SPOCK1: variants seen among roughly 807,000 people sequenced by gnomAD.
SPOCK1 encodes the protein testican-1.
A neutral mutation model predicts 55.3 loss-of-function variants in SPOCK1; 23 were observed. The ratio of observed to expected loss-of-function variants is 0.42; its 90% confidence interval spans 0.30 to 0.59. SPOCK1 has a LOEUF of 0.59. Ranked by LOEUF, SPOCK1 falls within the 20% of genes least tolerant of loss-of-function variation. The probability of loss-of-function intolerance (pLI) is 0.22; values close to 1 mark genes in which losing one functional copy is unlikely to be tolerated. For missense variants in SPOCK1, 499 were observed against 552.5 expected (o/e 0.90, Z 0.97); for synonymous variants, 226 against 221.0 (o/e 1.02, Z -0.20).
intron 3 of SPOCK1, among the ~76,000 whole-genome samples, chr5:137,177,795 G>A (rs1223716642): frequency 2.0e-5 from 3 of 151,974 alleles, no homozygotes; most frequent in African/African-American, 7.3e-5. Context: ...AGAGAAATGA[G>A]GAGTGGGAGG....
intron 2 of SPOCK1, among the ~76,000 whole-genome samples, chr5:137,327,201 C>T (rs1409187343): frequency 6.6e-6 from 1 of 152,158 alleles, no homozygotes; most frequent in African/African-American, 2.4e-5. Flanking sequence ...GTCTGCTGCA[C>T]AGGGTAGCTT....
chr5:137,391,255 A>G (rs143225346), intron 2 of SPOCK1, among the ~76,000 whole-genome samples: 1 of 152,186 alleles, frequency 6.6e-6, no homozygotes, highest in Middle Eastern at 3.2e-3. Context: ...GCTGCATAGT[A>G]TTCCATTATG....
chr5:137,120,412 G>A (rs1041949907), intron 4 of SPOCK1, among the ~76,000 whole-genome samples: 6 of 152,268 alleles, frequency 3.9e-5, no homozygotes, highest in African/African-American at 1.4e-4. Context: ...ACATCTCTCT[G>A]GTGTACCCGA....
chr5:137,230,898 C>CATTCCAT (rs1309400767), intron 3 of SPOCK1, among the ~76,000 whole-genome samples: 6 of 152,056 alleles, frequency 3.9e-5, no homozygotes, highest in African/African-American at 1.2e-4. Context: ...TCTTACAAAA[C>CATTCCAT]TAAGTATAAC....
chr5:137,090,512 A>T (rs752521266), intron 5 of SPOCK1, among the ~76,000 whole-genome samples: 9 of 152,176 alleles, frequency 5.9e-5, no homozygotes, highest in Non-Finnish European at 1.3e-4. Flanking sequence ...ATAAGTTAAG[A>T]GATAGCTAGG....
Position 137,264,008 on chromosome 5 carries a change from A to G in SPOCK1, c.232+3002T>C, listed in dbSNP as rs140649808. ...AATATCTTTAAGCAGAGAAGCAATTACAGCTAAGTAACTATTTCTTGAATA... is the reference window on the plus strand; with the variant it reads ...AATATCTTTAAGCAGAGAAGCAATTGCAGCTAAGTAACTATTTCTTGAATA... On this transcript the variant is annotated intron_variant, in intron 3 of 10. Coordinates refer to ENST00000394945, the MANE Select transcript of SPOCK1 (RefSeq NM_004598.4). 1.6e-4 allele frequency among the ~76,000 whole-genome samples: 24 copies of G among 152,274 alleles called. No homozygotes were observed. The East Asian group carries it at 4.7e-3, about 30-fold the overall frequency.
At chr5:137,102,085 G>GAA in intron 5 of SPOCK1, among the ~76,000 whole-genome samples, 1 of 152,118 alleles carries the variant, frequency 6.6e-6, no homozygotes, top group Non-Finnish European at 1.5e-5. Context: ...AAATGTGACT[G>GAA]GGTGGTATAC....
chr5:137,389,599 A>C (rs867060833), intron 2 of SPOCK1, among the ~76,000 whole-genome samples: 2 of 152,248 alleles, frequency 1.3e-5, no homozygotes, highest in African/African-American at 4.8e-5. Flanking sequence ...GAGCACTTGC[A>C]GGTCTGTCCT....
chr5:137,253,359 G>T (rs575304865), intron 3 of SPOCK1, among the ~76,000 whole-genome samples: 5 of 152,262 alleles, frequency 3.3e-5, no homozygotes, highest in African/African-American at 1.2e-4. Flanking sequence ...GATTGTAAAA[G>T]ATTGACCTAA....
At chr5:137,407,944 C>T (rs975976535) in intron 2 of SPOCK1, among the ~76,000 whole-genome samples, 6 of 152,056 alleles carry the variant, frequency 3.9e-5, no homozygotes, top group East Asian at 3.9e-4. Context: ...CTGCCTCTCC[C>T]GCCCCCACCC....
chr5:137,393,449 T>A (rs1751770376), intron 2 of SPOCK1, among the ~76,000 whole-genome samples: 1 of 152,254 alleles, frequency 6.6e-6, no homozygotes, highest in South Asian at 2.1e-4. Flanking sequence ...TGCACAGGCA[T>A]GCCAGGAGAC....
intron 6 of SPOCK1, among the ~76,000 whole-genome samples, chr5:137,066,987 C>CACACACACAGAGAGAGAG (rs1343691789): frequency 2.5e-4 from 35 of 139,658 alleles, no homozygotes; most frequent in Admixed American, 8.2e-4. Context: ...CACACACACA[C>CACACACACAGAGAGAGAG]AGAGAGAGAG....
chr5:137,314,011 C>T (rs1296484529), intron 2 of SPOCK1, among the ~76,000 whole-genome samples: 1 of 151,206 alleles, frequency 6.6e-6, no homozygotes, highest in East Asian at 2.0e-4. Flanking sequence ...AAGCTCTCCT[C>T]CCATCGTCCT....
intron 2 of SPOCK1, among the ~76,000 whole-genome samples, chr5:137,444,162 A>T (rs1753074188): frequency 6.6e-6 from 1 of 151,850 alleles, no homozygotes; most frequent in Non-Finnish European, 1.5e-5. Context: ...TCTGCTCTGG[A>T]CTTCTCCCTG....
At chr5:137,194,206 G>A (rs1233007354) in intron 3 of SPOCK1, among the ~76,000 whole-genome samples, 2 of 152,182 alleles carry the variant, frequency 1.3e-5, no homozygotes, top group Admixed American at 1.3e-4. Context: ...ATCACCCACA[G>A]GTGGAAAAAG....
At chr5:137,318,535 C>T (rs1026324098) in intron 2 of SPOCK1, among the ~76,000 whole-genome samples, 1 of 152,114 alleles carries the variant, frequency 6.6e-6, no homozygotes, top group Non-Finnish European at 1.5e-5. Flanking sequence ...TAAGAGTGCT[C>T]GAGATTCCTC....
chr5:137,066,963 T>TACACACACACACAC (rs147918575), intron 6 of SPOCK1, among the ~76,000 whole-genome samples: 5,367 of 125,748 alleles, frequency 0.043, 182 homozygotes, highest in East Asian at 0.1. Context: ...AACATAAGCA[T>TACACACACACACAC]ACACACACAC....
At chr5:137,210,803 C>G (rs1561472738) in intron 3 of SPOCK1, among the ~76,000 whole-genome samples, 1 of 152,236 alleles carries the variant, frequency 6.6e-6, no homozygotes, top group Non-Finnish European at 1.5e-5. Context: ...TCTCCCTAGT[C>G]CGGCTTTATG....
intron 2 of SPOCK1, among the ~76,000 whole-genome samples, chr5:137,418,005 C>G (rs1752383181): frequency 6.6e-6 from 1 of 152,116 alleles, no homozygotes; most frequent in African/African-American, 2.4e-5. Flanking sequence ...CTTCCTGTGT[C>G]CATGTGTTCT....
Sources: gnomAD v4.1 joint callset for allele counts (sites outside exome capture counted in the v4.1 genomes callset) on GRCh38, gnomAD v4.1.1 for gene constraint, MANE v1.5 for transcripts, NCBI Gene and HGNC (gene_info 2026-07-23, HGNC 2026-07-21) for gene names.